The following SUMF1 variants were observed in gnomAD, a reference collection of about 807,000 sequenced individuals.
SUMF1 encodes the protein formylglycine-generating enzyme.
Under a neutral mutation model 47.6 loss-of-function variants are expected in SUMF1, and 48 were observed. The observed-to-expected ratio is 1.01, with a 90% CI of 0.80 to 1.28. The LOEUF (loss-of-function observed/expected upper bound fraction) is 1.28, where lower values mean the gene tolerates loss of function less well. SUMF1 is among the 50% of genes most tolerant of loss of function. The probability of loss-of-function intolerance (pLI) is 0.00; values close to 1 mark genes in which losing one functional copy is unlikely to be tolerated. For missense variants in SUMF1, 571 were observed against 485.4 expected (o/e 1.18, Z -1.66); for synonymous variants, 230 against 192.1 (o/e 1.20, Z -1.63).
At chr3:4,200,902 T>C (rs1023915551) in intron 8 of SUMF1, among the ~76,000 whole-genome samples, 5 of 152,146 alleles carry the variant, frequency 3.3e-5, no homozygotes, top group African/African-American at 1.2e-4. Flanking sequence ...TGATCTATAG[T>C]TTATATTAGC....
chr3:4,142,311 T>C (rs760535670), intron 8 of SUMF1, among the ~76,000 whole-genome samples: 11 of 152,176 alleles, frequency 7.2e-5, no homozygotes, highest in Non-Finnish European at 1.5e-4. Context: ...TTCCATCACA[T>C]GTCCTACAGT....
intron 8 of SUMF1, among the ~76,000 whole-genome samples, chr3:4,172,767 G>C: frequency 6.6e-6 from 1 of 151,952 alleles, no homozygotes; most frequent in Admixed American, 6.6e-5. Flanking sequence ...TTAGCCCTTT[G>C]TCAGATTGAT....
intron 8 of SUMF1, among the ~76,000 whole-genome samples, chr3:4,088,734 T>G (rs919767927): frequency 3.9e-5 from 6 of 152,160 alleles, no homozygotes; most frequent in Non-Finnish European, 8.8e-5. Flanking sequence ...CTGCCTTTAT[T>G]GCACATAGTT....
intron 8 of SUMF1, among the ~76,000 whole-genome samples, chr3:4,289,194 C>CTACCT (rs1218322340): frequency 6.6e-6 from 1 of 152,212 alleles, no homozygotes; most frequent in Admixed American, 6.5e-5. Context: ...GCCTGAGAAA[C>CTACCT]TCAGACTGGA....
At chr3:4,431,370 G>A (rs538618450) in intron 3 of SUMF1, among the ~76,000 whole-genome samples, 1 of 152,288 alleles carries the variant, frequency 6.6e-6, no homozygotes, top group South Asian at 2.1e-4. Flanking sequence ...TTTGAGTGGT[G>A]TCTTTGCTTT....
chr3:4,077,541 CA>C (rs1692466471), intron 8 of SUMF1, among the ~76,000 whole-genome samples: 1 of 152,040 alleles, frequency 6.6e-6, no homozygotes, highest in Non-Finnish European at 1.5e-5. Flanking sequence ...TCATTCTCAG[CA>C]AACTATCACA....
chr3:4,084,056 G>A (rs1692621745), intron 8 of SUMF1, among the ~76,000 whole-genome samples: 4 of 152,054 alleles, frequency 2.6e-5, no homozygotes, highest in Admixed American at 2.6e-4. Flanking sequence ...GGTTCATGGA[G>A]GAAATGACAC....
At chr3:4,129,697 A>C (rs557746718) in intron 8 of SUMF1, among the ~76,000 whole-genome samples, 22 of 152,140 alleles carry the variant, frequency 1.4e-4, no homozygotes, top group Non-Finnish European at 2.8e-4. Context: ...GGAAATAATC[A>C]GACATTTGGG....
chr3:4,462,310 CAGGAAAGAACT>C (rs1288939129), intron 1 of SUMF1, among the ~76,000 whole-genome samples: 1 of 152,106 alleles, frequency 6.6e-6, no homozygotes, highest in Non-Finnish European at 1.5e-5. Flanking sequence ...CTGGAGCTAC[CAGGAAAGAACT>C]TTTTCTCTTC....
intron 1 of SUMF1, among the ~76,000 whole-genome samples, chr3:4,457,113 G>GT (rs1553589694): frequency 4.8e-5 from 6 of 125,576 alleles, no homozygotes; most frequent in Admixed American, 8.3e-5. Context: ...GTTTTGTTTT[G>GT]TTTTTTTTAG....
At chr3:4,113,055 A>T (rs1693346228) in intron 8 of SUMF1, among the ~76,000 whole-genome samples, 1 of 152,178 alleles carries the variant, frequency 6.6e-6, no homozygotes, top group Non-Finnish European at 1.5e-5. Flanking sequence ...AGCTGATTTA[A>T]AATGAGATTT....
rs1213458476 is a variant in SUMF1 at position 4,169,977 on chromosome 3, T to C, written c.1015-101232A>G. On this transcript the variant is annotated intron_variant and NMD_transcript_variant, in intron 8 of 12. Coordinates refer to the SUMF1 transcript ENST00000448413. Reference sequence around the variant, plus strand: ...AATGATGTAGAACATAGATTTTCAATAAGAATGAGACAAATGCCAAGCATT... The same window carrying C: ...AATGATGTAGAACATAGATTTTCAACAAGAATGAGACAAATGCCAAGCATT... 4.6e-5 allele frequency among the ~76,000 whole-genome samples: 7 copies of C among 152,084 alleles called. No homozygotes were observed. In the East Asian group the frequency reaches 1.3e-3, roughly 29 times the overall value.
chr3:4,140,703 C>A (rs1384911225), intron 8 of SUMF1, among the ~76,000 whole-genome samples: 1 of 151,840 alleles, frequency 6.6e-6, no homozygotes, highest in Non-Finnish European at 1.5e-5. Context: ...ATATTTCTCC[C>A]CAAAATCCCA....
intron 8 of SUMF1, among the ~76,000 whole-genome samples, chr3:4,254,888 G>A (rs1696907713): frequency 1.3e-5 from 2 of 152,118 alleles, no homozygotes; most frequent in African/African-American, 4.8e-5. Context: ...CCCTCAAAGG[G>A]AAGCCCATCA....
At chr3:4,288,198 G>T (rs2125052174) in intron 8 of SUMF1, among the ~76,000 whole-genome samples, 1 of 152,274 alleles carries the variant, frequency 6.6e-6, no homozygotes, top group Middle Eastern at 3.4e-3. Flanking sequence ...CTGGTACATA[G>T]ATACCAGTTT....
rs551726679 is a variant in SUMF1, at chr3:4,429,060, T to C, written c.520-8914A>G. On this transcript the variant is annotated intron_variant, in intron 3 of 8. Coordinates refer to ENST00000272902, the MANE Select transcript of SUMF1 (RefSeq NM_182760.4). Reference sequence around the variant, plus strand: ...CATTCAGGTTATGTTCAAGTTTGTCTGTTGTTGTTTTTTTGCTATTATAGA... The same window carrying C: ...CATTCAGGTTATGTTCAAGTTTGTCCGTTGTTGTTTTTTTGCTATTATAGA... Among the ~76,000 whole-genome samples the C allele has an allele frequency of 1.3e-4, 20 of 152,366 alleles. No homozygotes were observed. In the East Asian group the frequency reaches 3.7e-3, roughly 28 times the overall value.
chr3:4,328,635 A>T (rs1245595730), intron 8 of SUMF1, among the ~76,000 whole-genome samples: 8 of 152,052 alleles, frequency 5.3e-5, no homozygotes, highest in African/African-American at 1.9e-4. Flanking sequence ...ACACATTGGG[A>T]TTATTATAAT....
At chr3:4,073,344 A>G (rs900549986) in intron 8 of SUMF1, among the ~76,000 whole-genome samples, 4 of 152,180 alleles carry the variant, frequency 2.6e-5, no homozygotes, top group African/African-American at 9.7e-5. Context: ...AGCGCTAAAC[A>G]TGGAAAGGAA....
At chr3:4,327,933 C>T (rs1370659983) in intron 8 of SUMF1, among the ~76,000 whole-genome samples, 1 of 152,182 alleles carries the variant, frequency 6.6e-6, no homozygotes, top group Non-Finnish European at 1.5e-5. Context: ...AAAGCAAAAA[C>T]CACTGCACTC....
Sources: gnomAD v4.1 joint callset for allele counts (sites outside exome capture counted in the v4.1 genomes callset) on GRCh38, gnomAD v4.1.1 for gene constraint, MANE v1.5 for transcripts, NCBI Gene and HGNC (gene_info 2026-07-23, HGNC 2026-07-21) for gene names.